THSD4: variants seen among roughly 807,000 people sequenced by gnomAD.
The protein encoded by THSD4 is thrombospondin type-1 domain-containing protein 4.
THSD4 carries 69 observed loss-of-function variants against 119.0 expected under a neutral mutation model. The observed-to-expected ratio is 0.58, with a 90% CI of 0.48 to 0.71. THSD4 has a LOEUF of 0.71. THSD4 is among the 30% of genes least tolerant of loss of function. THSD4 has a pLI of 0.00. For synonymous variants in THSD4, 524 were observed against 540.4 expected (o/e 0.97, Z 0.42); for missense variants, 1,393 against 1,391.1 (o/e 1.00, Z -0.02).
intron 3 of THSD4, among the ~76,000 whole-genome samples, chr15:71,160,196 T>C (rs2043238274): frequency 6.6e-6 from 1 of 152,126 alleles, no homozygotes; most frequent in African/African-American, 2.4e-5. Flanking sequence ...ATAATATTTA[T>C]AATATGCTAC....
intron 3 of THSD4, among the ~76,000 whole-genome samples, chr15:71,191,851 C>T (rs1038480659): frequency 6.6e-6 from 1 of 151,916 alleles, no homozygotes; most frequent in Non-Finnish European, 1.5e-5. Flanking sequence ...TTGGTGATAT[C>T]TGATACCCCA....
intron 7 of THSD4, among the ~76,000 whole-genome samples, chr15:71,610,993 A>G (rs1595785737): frequency 1.3e-5 from 2 of 152,240 alleles, no homozygotes; most frequent in African/African-American, 4.8e-5. Context: ...TGGGGTATGG[A>G]AAAGATTGCA....
At chr15:71,697,979 C>T (rs556135982) in intron 8 of THSD4, among the ~76,000 whole-genome samples, 3 of 151,870 alleles carry the variant, frequency 2.0e-5, no homozygotes, top group African/African-American at 7.3e-5. Flanking sequence ...CACTTCAGCA[C>T]GTGAATGAGA....
intron 7 of THSD4, among the ~76,000 whole-genome samples, chr15:71,656,814 C>T (rs1023792958): frequency 6.6e-6 from 1 of 152,186 alleles, no homozygotes; most frequent in Non-Finnish European, 1.5e-5. Context: ...AGCAATCTCA[C>T]AGATGGCTTT....
At chr15:71,682,759 C>A (rs2051811273) in intron 8 of THSD4, among the ~76,000 whole-genome samples, 1 of 152,064 alleles carries the variant, frequency 6.6e-6, no homozygotes, top group Admixed American at 6.6e-5. Context: ...TTCCATTTAT[C>A]TGTCAAATAA....
At chr15:71,289,686 T>G (rs2044765320) in intron 6 of THSD4, among the ~76,000 whole-genome samples, 1 of 152,170 alleles carries the variant, frequency 6.6e-6, no homozygotes, top group Non-Finnish European at 1.5e-5. Flanking sequence ...TGTTGATCTG[T>G]TTTAAGAACA....
At chr15:71,461,343 AT>A in intron 7 of THSD4, among the ~76,000 whole-genome samples, 1 of 152,306 alleles carries the variant, frequency 6.6e-6, no homozygotes, top group East Asian at 1.9e-4. Flanking sequence ...AGAAGCCCCA[AT>A]ATATTTTATG....
intron 1 of THSD4, among the ~76,000 whole-genome samples, chr15:71,140,054 T>A (rs982324147): frequency 2.0e-5 from 3 of 152,278 alleles, no homozygotes; most frequent in African/African-American, 7.2e-5. Flanking sequence ...GGCTTCTGAA[T>A]GAAGTAGTAT....
At chr15:71,531,965 A>G (rs527520467) in intron 7 of THSD4, among the ~76,000 whole-genome samples, 26 of 152,254 alleles carry the variant, frequency 1.7e-4, no homozygotes, top group Non-Finnish European at 2.6e-4. Context: ...CCATAACCCC[A>G]GTCTTAAGCT....
chr15:71,315,936 T>A (rs1326420545), intron 6 of THSD4, among the ~76,000 whole-genome samples: 1 of 152,224 alleles, frequency 6.6e-6, no homozygotes, highest in East Asian at 1.9e-4. Context: ...ACTATATATA[T>A]AGCCTCATCC....
At chr15:71,232,616 G>A (rs1332031884) in intron 4 of THSD4, among the ~76,000 whole-genome samples, 2 of 152,094 alleles carry the variant, frequency 1.3e-5, no homozygotes, top group East Asian at 3.9e-4. Context: ...CCGCACAAGA[G>A]CCCCATGTGT....
At chr15:71,206,513 C>G (rs1463119141) in intron 3 of THSD4, among the ~76,000 whole-genome samples, 1 of 152,198 alleles carries the variant, frequency 6.6e-6, no homozygotes, top group East Asian at 1.9e-4. Context: ...GTGGCTAAAA[C>G]TAAACCTACT....
chr15:71,574,752 G>A (rs1022340107), intron 7 of THSD4, among the ~76,000 whole-genome samples: 6 of 152,140 alleles, frequency 3.9e-5, no homozygotes, highest in East Asian at 1.9e-4. Context: ...ATACATGACC[G>A]TGATCATCTC....
intron 7 of THSD4, among the ~76,000 whole-genome samples, chr15:71,649,279 T>G (rs1187379301): frequency 7.0e-6 from 1 of 142,716 alleles, no homozygotes; most frequent in East Asian, 2.7e-4. Context: ...TTTGTTTGTT[T>G]TTTGTTTTTT....
At chr15:71,693,278 A>G (rs940303565) in intron 8 of THSD4, among the ~76,000 whole-genome samples, 2 of 152,226 alleles carry the variant, frequency 1.3e-5, no homozygotes, top group Non-Finnish European at 2.9e-5. Flanking sequence ...GTGAGGCAGA[A>G]GGAAAAGGAG....
rs550279092 is a variant in THSD4 at position 71,301,491 on chromosome 15, A to G, written c.1015+44776A>G. 3.1e-4 allele frequency among the ~76,000 whole-genome samples: 47 copies of G among 152,266 alleles called. No individual in the cohort carries two copies. In the South Asian group the frequency reaches 9.1e-3, roughly 30 times the overall value. On this transcript the variant is annotated intron_variant, in intron 6 of 17. Coordinates refer to ENST00000261862, the MANE Select transcript of THSD4 (RefSeq NM_024817.3). ...CATATACCGTTGTGTGTTGGGGATA[A>G]TCATTCTTTCCATCTTTGCTGTTCT... is the stretch of plus-strand genomic sequence containing the variant.
In THSD4 at chr15:71,275,747, G is replaced by A. The variant is rs1176982873; in HGVS notation, c.1015+19032G>A. Among the ~76,000 whole-genome samples the A allele has an allele frequency of 2.0e-5, 3 of 152,140 alleles. No individual in the cohort carries two copies. The East Asian group carries it at 5.8e-4, about 29-fold the overall frequency. On this transcript the variant is annotated intron_variant, in intron 6 of 17. Transcript: ENST00000261862. ...ATGGGGGCAGTTACCCCTTGCTGCT[G>A]TTCTCGTGATAGTGAGTTAGTTCTC... is the stretch of plus-strand genomic sequence containing the variant.
intron 7 of THSD4, among the ~76,000 whole-genome samples, chr15:71,602,711 G>A (rs998241292): frequency 6.6e-6 from 1 of 152,314 alleles, no homozygotes; most frequent in South Asian, 2.1e-4. Flanking sequence ...GCTGCCAGGG[G>A]CTGGGAGTAG....
intron 5 of THSD4, among the ~76,000 whole-genome samples, chr15:71,251,379 A>C (rs7181275): frequency 0.074 from 11,208 of 152,194 alleles, 1,365 homozygotes; most frequent in African/African-American, 0.25. Context: ...GGAAACATTA[A>C]TGTATTACCA....
Sources: allele counts gnomAD v4.1 joint callset (sites outside exome capture counted in the v4.1 genomes callset), GRCh38; gene constraint gnomAD v4.1.1; transcripts MANE v1.5; gene names NCBI Gene and HGNC (gene_info 2026-07-23, HGNC 2026-07-21).